The following RDH12 variants were observed in gnomAD, a reference collection of about 807,000 sequenced individuals.
RDH12 encodes the protein retinol dehydrogenase 12.
A neutral mutation model predicts 34.0 loss-of-function variants in RDH12; 21 were observed. The ratio of observed to expected loss-of-function variants is 0.62; its 90% confidence interval spans 0.44 to 0.89. RDH12 has a LOEUF of 0.89. Ranked by LOEUF, RDH12 falls within the 40% of genes least tolerant of loss-of-function variation. RDH12 has a pLI of 0.00. For synonymous variants in RDH12, 198 were observed against 169.9 expected (o/e 1.17, Z -1.29); for missense variants, 394 against 398.6 (o/e 0.99, Z 0.10).
At chr14:67,703,300 A>G (rs1467208778) in intron 1 of RDH12, among the ~76,000 whole-genome samples, 1 of 152,220 alleles carries the variant, frequency 6.6e-6, no homozygotes, top group African/African-American at 2.4e-5. Context: ...TTTTTGGGTA[A>G]GGTAGTTCGA....
Position 67,733,898 on chromosome 14 carries a change from C to T in RDH12, c.*50C>T. 1 of 1,409,928 alleles carries T rather than the reference C, an allele frequency of 7.1e-7. No homozygotes were observed. The highest frequency in any genetic ancestry group is 1.2e-5 in the South Asian group (1 of 86,354). 87.3% of individuals were successfully genotyped at this position (1,409,928 alleles called of 1,614,324 possible). ...CAGGCCCAATCCATGCCATAATGAA[C>T]AGGGACCAAGGAGAAGGCCAACCCT... On this transcript the variant is annotated 3_prime_UTR_variant, in exon 9 of 9. Transcript: ENST00000551171.
chr14:67,731,368 C>G (rs772553624), intron 8 of RDH12, among the ~76,000 whole-genome samples: 1 of 151,834 alleles, frequency 6.6e-6, no homozygotes, highest in Admixed American at 6.6e-5. Flanking sequence ...GTGCATGCCA[C>G]GACGCCCAGC....
At position 67,724,608 on chromosome 14, in the gene RDH12, T is replaced by C; in HGVS notation, c.187+17T>C. On this transcript the variant is annotated intron_variant, in intron 4 of 8. Transcript: ENST00000551171. ...CTAGCCGAGGTAAGTGTTTCCCCTTTAGTCTCCAAAGGGCCATGCCTCCCA... is the reference window on the plus strand; with the variant it reads ...CTAGCCGAGGTAAGTGTTTCCCCTTCAGTCTCCAAAGGGCCATGCCTCCCA... 2.5e-6 allele frequency: 4 copies of C among 1,584,670 alleles called. No individual in the cohort carries two copies.
At chr14:67,733,141 A>C (rs7156196) in intron 8 of RDH12, among the ~76,000 whole-genome samples, 63 of 146,386 alleles carry the variant, frequency 4.3e-4, no homozygotes, top group Admixed American at 1.8e-3. Context: ...ATTAAAAAAA[A>C]CAAAAAAAAA....
Position 67,727,041 on chromosome 14 carries a change from T to C in RDH12, c.509T>C (p.Val170Ala). 6.2e-7 allele frequency: 1 copy of C among 1,613,808 alleles called. No individual in the cohort carries two copies. The highest frequency in any genetic ancestry group is 8.5e-7 in the Non-Finnish European group (1 of 1,180,024). ...ERLKVSAPAR[V>A]VNVSSVAHHI... ...CTAAAGGTGTCTGCCCCTGCACGGG[T>C]GGTTAATGTGTCCTCGGTGGCTCAC... The change falls in exon 7 of 9, where the codon GTG becomes GCG. Residue 170 changes from valine to alanine, a missense_variant. Val to Ala is a moderately conservative substitution (Grantham distance 64, BLOSUM62 0). Transcript: ENST00000551171.
chr14:67,716,806 C>A (rs2038073404), intron 1 of RDH12, among the ~76,000 whole-genome samples: 1 of 151,692 alleles, frequency 6.6e-6, no homozygotes, highest in Admixed American at 6.6e-5. Flanking sequence ...ATTGCTTGGG[C>A]CCGGGAGGTG....
chr14:67,720,549 C>T (rs759407712), intron 1 of RDH12, among the ~76,000 whole-genome samples: 1 of 152,280 alleles, frequency 6.6e-6, no homozygotes. Flanking sequence ...TACCTAGGTG[C>T]CACAATACTT....
chr14:67,706,563 A>T (rs781315543), intron 1 of RDH12, among the ~76,000 whole-genome samples: 13 of 152,212 alleles, frequency 8.5e-5, no homozygotes, highest in Non-Finnish European at 1.8e-4. Flanking sequence ...TCACAGGAAG[A>T]TGAGACACAA....
chr14:67,704,609 C>T (rs1190489956), intron 1 of RDH12, among the ~76,000 whole-genome samples: 2 of 152,052 alleles, frequency 1.3e-5, no homozygotes, highest in Admixed American at 1.3e-4. Context: ...AGTGCACTTC[C>T]CATTTTAGCT....
chr14:67,724,395 T>G (rs66798921), intron 3 of RDH12, 78 bp from the exon 4 acceptor site: 11 of 255,470 alleles, frequency 4.3e-5, no homozygotes, highest in East Asian at 2.7e-4. Context: ...GGATAGAGTT[T>G]TTTTTTTTTT....
At chr14:67,705,035 A>T (rs959691810) in intron 1 of RDH12, among the ~76,000 whole-genome samples, 5 of 152,200 alleles carry the variant, frequency 3.3e-5, no homozygotes, top group African/African-American at 1.2e-4. Context: ...CATTTTGTTG[A>T]TGGAAATTAA....
chr14:67,734,089 C>T lies in RDH12; in HGVS notation c.*241C>T. On this transcript the variant is annotated 3_prime_UTR_variant, in exon 9 of 9. Transcript: ENST00000551171. ...TCTCTAAGACCTGGAAAGTCAGCAA[C>T]CCTCTGGGGGCAGCAGGACTGGGCA... is the stretch of plus-strand genomic sequence containing the variant. 2.5e-6 allele frequency: 1 copy of T among 393,914 alleles called. No individual in the cohort carries two copies. The highest frequency in any genetic ancestry group is 4.9e-6 in the Non-Finnish European group (1 of 204,090). The allele number at this position is 393,914 out of a possible 1,614,324, so 24.4% of individuals were successfully genotyped here.
At chr14:67,716,600 C>G (rs796230916) in intron 1 of RDH12, among the ~76,000 whole-genome samples, 21 of 152,122 alleles carry the variant, frequency 1.4e-4, no homozygotes, top group African/African-American at 4.6e-4. Context: ...AAGAATTTTA[C>G]AGGCTGAGTG....
rs117411054 is a variant in RDH12 at position 67,714,036 on chromosome 14, T to C, written c.-274-6812T>C. Among the ~76,000 whole-genome samples, 672 of 152,336 alleles carry C rather than the reference T, an allele frequency of 4.4e-3. 35 individuals are homozygous for C. In the East Asian group the frequency reaches 0.1, roughly 23 times the overall value. On this transcript the variant is annotated intron_variant, in intron 1 of 8. Coordinates refer to ENST00000551171, the MANE Select transcript of RDH12 (RefSeq NM_152443.3). ...CAGTTCCCAGCTTGAATTTTCCCTT[T>C]AGCTTAGTGATTTTGGGGGCCCAAA...
chr14:67,724,898 G>A (rs2038166666), intron 4 of RDH12, among the ~76,000 whole-genome samples: 1 of 152,172 alleles, frequency 6.6e-6, no homozygotes, highest in Non-Finnish European at 1.5e-5. Context: ...TGGGAACCAG[G>A]TTCCCAGCCT....
intron 1 of RDH12, among the ~76,000 whole-genome samples, chr14:67,715,622 C>T (rs2140125478): frequency 6.6e-6 from 1 of 152,346 alleles, no homozygotes; most frequent in East Asian, 1.9e-4. Flanking sequence ...CTACTTTACT[C>T]TATTTCAGTC....
At chr14:67,708,800 T>TG (rs1014904882) in intron 1 of RDH12, among the ~76,000 whole-genome samples, 37 of 151,144 alleles carry the variant, frequency 2.4e-4, no homozygotes, top group Non-Finnish European at 4.9e-4. Flanking sequence ...ATACCTTTTT[T>TG]TTTTTTTTTT....
intron 1 of RDH12, among the ~76,000 whole-genome samples, chr14:67,702,208 A>G (rs2037907157): frequency 6.6e-6 from 1 of 152,024 alleles, no homozygotes; most frequent in Admixed American, 6.6e-5. Context: ...AGCTCAAGTG[A>G]TTCTCCCACC....
At chr14:67,720,742 G>A (rs1237605511) in intron 1 of RDH12, 106 bp from the exon 2 acceptor site, 2 of 152,192 alleles carry the variant, frequency 1.3e-5, no homozygotes, top group Non-Finnish European at 2.9e-5. Context: ...TCAATGATAT[G>A]ATGGTGGCCT....
Sources: gnomAD v4.1 joint callset for allele counts (sites outside exome capture counted in the v4.1 genomes callset) on GRCh38, gnomAD v4.1.1 for gene constraint, MANE v1.5 for transcripts, NCBI Gene and HGNC (gene_info 2026-07-23, HGNC 2026-07-21) for gene names.